SNUPN: variants seen among roughly 807,000 people sequenced by gnomAD.
SNUPN encodes the protein snurportin 1, also known as snurportin-1.
In SNUPN, 31 loss-of-function variants were observed where a neutral mutation model predicts 39.2. The ratio of observed to expected loss-of-function variants is 0.79; its 90% confidence interval spans 0.59 to 1.07. The LOEUF (loss-of-function observed/expected upper bound fraction) is 1.07, where lower values mean the gene tolerates loss of function less well. Among genes scored for constraint, SNUPN ranks in the 50% least tolerant of loss-of-function variants. The pLI is 0.00. For missense variants in SNUPN, 382 were observed against 434.2 expected (o/e 0.88, Z 1.07); for synonymous variants, 132 against 159.0 (o/e 0.83, Z 1.28).
intron 3 of SNUPN, among the ~76,000 whole-genome samples, chr15:75,611,547 C>T (rs1034353228): frequency 5.9e-5 from 9 of 151,604 alleles, no homozygotes; most frequent in Non-Finnish European, 7.4e-5. Context: ...CCACCACGCC[C>T]GGCTCACTTT....
Position 75,609,902 on chromosome 15 carries a change from G to T in SNUPN, c.396C>A (p.Ile132=), listed in dbSNP as rs767173646. The change falls in exon 4 of 9, where the codon ATC becomes ATA. Residue 132 remains isoleucine (I), a synonymous_variant. Transcript: ENST00000308588. ...VVCPVGKRAL[I]VASRGSTSAY... is the part of the protein sequence containing the mutation. ...GGCAGCTACTCACCCTGGAGGCCACGATAAGGGCTCTTTTTCCAACAGGGC... is the reference window on the plus strand; with the variant it reads ...GGCAGCTACTCACCCTGGAGGCCACTATAAGGGCTCTTTTTCCAACAGGGC... 4 of 1,613,816 alleles carry T rather than the reference G, an allele frequency of 2.5e-6. No individual in the cohort carries two copies. Among genetic ancestry groups the T allele is most frequent in the Non-Finnish European group, 3.4e-6 (4 of 1,179,776 alleles).
chr15:75,623,845 C>A (rs991610005), intron 1 of SNUPN, among the ~76,000 whole-genome samples: 3 of 151,738 alleles, frequency 2.0e-5, no homozygotes, highest in Non-Finnish European at 4.4e-5. Flanking sequence ...GTATGTTATT[C>A]AAATCATCCA....
intron 6 of SNUPN, 78 bp from the exon 7 acceptor site, chr15:75,605,305 ATTT>A (rs372246427): frequency 0.012 from 6,542 of 532,698 alleles, no homozygotes; most frequent in Non-Finnish European, 0.013. Flanking sequence ...ACCCCATGCT[ATTT>A]TTTTTTTTTT....
Position 75,617,612 on chromosome 15 carries a change from G to A in SNUPN, c.159-60C>T, listed in dbSNP as rs1241459959. On this transcript the variant is annotated intron_variant, in intron 2 of 8. Transcript: ENST00000308588. ...TTCTTCTTTTTTTTTTTTTAGACAG[G>A]GTCTCGCTCTGTTGCCCAGGCTGGA... 9 of 1,522,190 alleles carry A rather than the reference G, an allele frequency of 5.9e-6. No homozygotes were observed. The East Asian group carries it at 1.4e-4, about 23-fold the overall frequency. 94.3% of individuals were successfully genotyped at this position (1,522,190 alleles called of 1,614,324 possible). A position where few individuals can be genotyped will look rare whatever the true frequency, so the allele number is the denominator to read the frequency against.
rs768676366 is a variant in SNUPN, at chr15:75,620,937, C to A, written c.115G>T (p.Glu39Ter). Residue 39 changes from glutamate (E) to a stop codon, truncating the protein, a stop_gained, in exon 2 of 9, where the codon GAG (glutamate) becomes TAG (stop). Coordinates refer to ENST00000308588, the MANE Select transcript of SNUPN (RefSeq NM_005701.4). LOFTEE classifies it high-confidence loss of function. ...AACCTCCGGCGGCGCTCACTCTGCT[C>A]CAAGGAACTGTACTTGGACTTGTAC... ...SQYKSKYSSLEQSERRRRLLE... is the reference protein window; with the variant it reads ...SQYKSKYSSL The A allele has an allele frequency of 4.3e-6, 7 of 1,613,942 alleles. No individual in the cohort carries two copies. In the Admixed American group the frequency reaches 1.2e-4, roughly 27 times the overall value.
intron 3 of SNUPN, among the ~76,000 whole-genome samples, chr15:75,615,931 A>C (rs1005086469): frequency 5.9e-5 from 9 of 151,912 alleles, no homozygotes; most frequent in African/African-American, 1.4e-4. Context: ...TTTATAGCAC[A>C]AAACATCTTC....
At position 75,623,402 on chromosome 15, in the gene SNUPN, G is replaced by C. The variant is rs539091110; in HGVS notation, c.-6+2264C>G. Among the ~76,000 whole-genome samples, 527 of 151,674 alleles carry C rather than the reference G, an allele frequency of 3.5e-3. 5 individuals carry two copies. The highest frequency in any genetic ancestry group is 0.012 in the African/African-American group (515 of 41,326). On this transcript the variant is annotated intron_variant, in intron 1 of 8. Transcript: ENST00000308588. ...CCGACCTCCTGATCTGCCCACCTTG[G>C]CCTCCCAAAGTGCTGGGATTACAGG... is the stretch of plus-strand genomic sequence containing the variant.
At chr15:75,626,068 C>T (rs1191659633), upstream of SNUPN, 2 of 152,326 alleles carry the variant, frequency 1.3e-5, no homozygotes, top group African/African-American at 4.8e-5. Flanking sequence ...CCGCCTCCCG[C>T]AGATCTTCCC....
chr15:75,598,609 G>A lies in SNUPN; in HGVS notation c.832C>T (p.Arg278Cys), dbSNP rs780050678. The A allele has an allele frequency of 2.4e-5, 38 of 1,613,798 alleles. No homozygotes were observed. Among genetic ancestry groups the A allele is most frequent in the Middle Eastern group, 1.6e-4 (1 of 6,084 alleles). ...PGSTPLVGWLRPYMVSDVLGV... is the reference protein window; with the variant it reads ...PGSTPLVGWLCPYMVSDVLGV... ...AGGACATCTGACACCATGTAGGGGCGCAGCCAGCCCACCAAGGGAGTGCTT... is the reference window on the plus strand; with the variant it reads ...AGGACATCTGACACCATGTAGGGGCACAGCCAGCCCACCAAGGGAGTGCTT... Residue 278 changes from arginine to cysteine, a missense_variant, in exon 9 of 9, where the codon CGC (arginine) becomes TGC (cysteine). By Grantham distance (180) the Arg-to-Cys change is radical. Coordinates refer to ENST00000308588, the MANE Select transcript of SNUPN (RefSeq NM_005701.4).
chr15:75,612,588 T>C (rs1357687084), intron 3 of SNUPN, among the ~76,000 whole-genome samples: 8 of 152,080 alleles, frequency 5.3e-5, no homozygotes, highest in Admixed American at 5.3e-4. Flanking sequence ...TTGTGCCTCC[T>C]AATGCTCCTT....
At chr15:75,604,634 C>A (rs2075317107) in intron 7 of SNUPN, among the ~76,000 whole-genome samples, 1 of 152,098 alleles carries the variant, frequency 6.6e-6, no homozygotes, top group African/African-American at 2.4e-5. Flanking sequence ...CTTATAACAA[C>A]CCTGTAAATT....
chr15:75,617,514 G>C lies in SNUPN; in HGVS notation c.197C>G (p.Ala66Gly). 6.2e-7 allele frequency: 1 copy of C among 1,613,508 alleles called. No homozygotes were observed. The highest frequency in any genetic ancestry group is 8.5e-7 in the Non-Finnish European group (1 of 1,179,950). ...CTCCATCCCTGTCCAGTCATCTTCAGCCAGTCTTCTGGCATGGTTCACATA... is the reference window on the plus strand; with the variant it reads ...CTCCATCCCTGTCCAGTCATCTTCACCCAGTCTTCTGGCATGGTTCACATA... ...LDYVNHARRL[A>G]EDDWTGMESE... Residue 66 changes from alanine (A) to glycine (G), a missense_variant, in exon 3 of 9, where the codon GCT (alanine) becomes GGT (glycine). Transcript: ENST00000308588.
intron 5 of SNUPN, 59 bp from the exon 6 acceptor site, chr15:75,607,372 C>T (rs1389464781): frequency 1.7e-6 from 2 of 1,174,258 alleles, no homozygotes; most frequent in Non-Finnish European, 2.6e-6. Context: ...GTTCCCTCCA[C>T]CACAACCTAG....
chr15:75,606,683 CCTT>C (rs1361719592), intron 6 of SNUPN, among the ~76,000 whole-genome samples: 2 of 152,134 alleles, frequency 1.3e-5, no homozygotes, highest in Non-Finnish European at 2.9e-5. Flanking sequence ...GGCCTCTCCT[CCTT>C]TGAAAAGTCT....
chr15:75,624,754 G>A (rs1398983109), intron 1 of SNUPN: 3 of 1,281,244 alleles, frequency 2.3e-6, no homozygotes, highest in Non-Finnish European at 2.0e-6. Flanking sequence ...CTGCTGTTTC[G>A]TTTTGTTTTT....
At chr15:75,621,862 C>T (rs1187712589) in intron 1 of SNUPN, among the ~76,000 whole-genome samples, 1 of 149,792 alleles carries the variant, frequency 6.7e-6, no homozygotes, top group East Asian at 2.0e-4. Flanking sequence ...ATGGTGAAAC[C>T]CCGTCTCTAC....
At chr15:75,621,181 AGT>A in intron 1 of SNUPN, 125 bp from the exon 2 acceptor site, 6 of 856,878 alleles carry the variant, frequency 7.0e-6, no homozygotes, top group South Asian at 1.7e-5. Context: ...CAAAATCACA[AGT>A]GTTTCCATGA....
At chr15:75,611,849 G>A (rs1429648040) in intron 3 of SNUPN, among the ~76,000 whole-genome samples, 2 of 150,148 alleles carry the variant, frequency 1.3e-5, no homozygotes, top group Non-Finnish European at 3.0e-5. Context: ...GCGAGACCCC[G>A]TCTCAAAAAA....
At chr15:75,621,584 G>A (rs1893073264) in intron 1 of SNUPN, among the ~76,000 whole-genome samples, 1 of 152,086 alleles carries the variant, frequency 6.6e-6, no homozygotes. Context: ...TTCCTCTACA[G>A]TTTCCTGAAT....
Sources: gnomAD v4.1 joint callset for allele counts (sites outside exome capture counted in the v4.1 genomes callset) on GRCh38, gnomAD v4.1.1 for gene constraint, MANE v1.5 for transcripts, NCBI Gene and HGNC (gene_info 2026-07-23, HGNC 2026-07-21) for gene names.